CFAP54: variants seen among roughly 807,000 people sequenced by gnomAD.
CFAP54 encodes the protein cilia- and flagella-associated protein 54.
Under a neutral mutation model 370.4 loss-of-function variants are expected in CFAP54, and 290 were observed. The ratio of observed to expected loss-of-function variants is 0.78; its 90% CI spans 0.71 to 0.86. The LOEUF is 0.86. CFAP54 is among the 40% of genes least tolerant of loss of function. The pLI is 0.00. For synonymous variants in CFAP54, 1,206 were observed against 1,236.5 expected, an observed-to-expected ratio of 0.98 and a Z score of 0.52; for missense variants, 3,399 against 3,528.7, an observed-to-expected ratio of 0.96 and a Z score of 0.93.
intron 63 of CFAP54, among the ~76,000 whole-genome samples, chr12:96,805,119 C>A (rs1378759388): frequency 6.6e-6 from 1 of 151,938 alleles, no homozygotes; most frequent in Non-Finnish European, 1.5e-5. Flanking sequence ...AAACATAAGA[C>A]CTGAAATTAT....
chr12:96,764,109 A>G, intron 58 of CFAP54, 42 bp from the exon 59 acceptor site: 3 of 1,338,752 alleles, frequency 2.2e-6, no homozygotes, highest in Non-Finnish European at 3.2e-6. Flanking sequence ...GAGAAGAGTT[A>G]TCACAAAACT....
intron 67 of CFAP54, among the ~76,000 whole-genome samples, chr12:96,870,205 G>C (rs1314493356): frequency 6.6e-6 from 1 of 151,724 alleles, no homozygotes; most frequent in Non-Finnish European, 1.5e-5. Flanking sequence ...AAGTTGCAGT[G>C]AGCCGAGATC....
chr12:96,654,516 A>AT (rs562362327), intron 36 of CFAP54, among the ~76,000 whole-genome samples: 5,073 of 151,122 alleles, frequency 0.034, 208 homozygotes, highest in African/African-American at 0.096. Context: ...AAAAAAAAAA[A>AT]TTTATGGGGT....
intron 36 of CFAP54, among the ~76,000 whole-genome samples, chr12:96,652,163 C>G (rs887159412): frequency 1.8e-4 from 27 of 152,182 alleles, no homozygotes; most frequent in Non-Finnish European, 3.5e-4. Flanking sequence ...ATGTGATCAG[C>G]TGGTCTTTAT....
intron 51 of CFAP54, 126 bp downstream of exon 51, chr12:96,740,187 A>G (rs1712589899): frequency 1.6e-6 from 1 of 610,088 alleles, no homozygotes; most frequent in Admixed American, 3.3e-5. Flanking sequence ...AATTTGGAGT[A>G]AAAAGATTTA....
intron 12 of CFAP54, 140 bp from the exon 13 acceptor site, chr12:96,538,244 G>A (rs1955529322): frequency 4.3e-6 from 3 of 697,452 alleles, no homozygotes; most frequent in South Asian, 2.2e-5. Context: ...ATCATACTAG[G>A]ACTCCTCTCA....
intron 30 of CFAP54, among the ~76,000 whole-genome samples, 196 bp downstream of exon 30, chr12:96,627,135 A>C (rs1956557308): frequency 6.6e-6 from 1 of 152,206 alleles, no homozygotes; most frequent in Admixed American, 6.5e-5. Context: ...TGTACTCACA[A>C]ATGAGAATAG....
At chr12:96,609,319 A>G (rs149729540) in intron 26 of CFAP54, among the ~76,000 whole-genome samples, 2,942 of 152,338 alleles carry the variant, frequency 0.019, 50 homozygotes, top group South Asian at 0.068. Context: ...ATTTTTTGCA[A>G]TAGCAAGGTA....
chr12:96,626,212 C>T (rs1482004266), intron 29 of CFAP54, among the ~76,000 whole-genome samples: 2 of 151,870 alleles, frequency 1.3e-5, no homozygotes, highest in Non-Finnish European at 2.9e-5. Context: ...GGTGAAGCCC[C>T]GTCTCTACTA....
chr12:96,631,043 A>C (rs1354890059), intron 32 of CFAP54, among the ~76,000 whole-genome samples: 3 of 151,920 alleles, frequency 2.0e-5, no homozygotes, highest in Admixed American at 6.6e-5. Flanking sequence ...CACATGTGTA[A>C]GAATTTTTTA....
chr12:96,559,368 C>A (rs1317039372), intron 17 of CFAP54, among the ~76,000 whole-genome samples: 1 of 151,942 alleles, frequency 6.6e-6, no homozygotes, highest in Non-Finnish European at 1.5e-5. Context: ...ATCTCATGTA[C>A]CCCATAAATA....
intron 64 of CFAP54, among the ~76,000 whole-genome samples, chr12:96,814,844 T>G: frequency 6.6e-6 from 1 of 152,206 alleles, no homozygotes; most frequent in Admixed American, 6.5e-5. Flanking sequence ...CTGAGGATGA[T>G]GGTTTCCAGT....
At chr12:96,830,675 G>C (rs1457019641) in intron 66 of CFAP54, among the ~76,000 whole-genome samples, 3 of 151,858 alleles carry the variant, frequency 2.0e-5, no homozygotes, top group African/African-American at 7.3e-5. Context: ...CTAGTTTTCT[G>C]GGTTTGTTTT....
chr12:96,521,547 T>C (rs12299355), intron 6 of CFAP54, among the ~76,000 whole-genome samples: 2,620 of 39,458 alleles, frequency 0.066, 34 homozygotes, highest in African/African-American at 0.18. Flanking sequence ...TGTGTGTGTG[T>C]GCGCGTGCGC....
chr12:96,800,026 G>T (rs1450741566), intron 63 of CFAP54, among the ~76,000 whole-genome samples: 3 of 152,166 alleles, frequency 2.0e-5, no homozygotes, highest in Non-Finnish European at 2.9e-5. Context: ...TTCGGAGAGG[G>T]TTTGGAAATG....
intron 32 of CFAP54, among the ~76,000 whole-genome samples, chr12:96,637,821 C>T (rs1160398523): frequency 6.6e-6 from 1 of 152,196 alleles, no homozygotes; most frequent in Non-Finnish European, 1.5e-5. Flanking sequence ...ACTGCATGTA[C>T]AACGGTGGTC....
At chr12:96,547,389 G>T (rs1955651524) in intron 14 of CFAP54, among the ~76,000 whole-genome samples, 2 of 152,196 alleles carry the variant, frequency 1.3e-5, no homozygotes, top group South Asian at 4.1e-4. Context: ...GTTTCATCAT[G>T]TTGGCCAGGC....
intron 60 of CFAP54, among the ~76,000 whole-genome samples, chr12:96,766,581 A>G (rs1958403931): frequency 6.6e-6 from 1 of 152,168 alleles, no homozygotes; most frequent in Non-Finnish European, 1.5e-5. Context: ...GATTCAGTTG[A>G]CATCCTAGCT....
At chr12:96,620,800 A>C (rs1230346575) in intron 26 of CFAP54, among the ~76,000 whole-genome samples, 1 of 152,222 alleles carries the variant, frequency 6.6e-6, no homozygotes, top group Non-Finnish European at 1.5e-5. Context: ...TTTTAATGGC[A>C]AGGTGAAGCT....
Sources: allele counts gnomAD v4.1 joint callset (sites outside exome capture counted in the v4.1 genomes callset), GRCh38; gene constraint gnomAD v4.1.1; transcripts MANE v1.5; gene names NCBI Gene and HGNC (gene_info 2026-07-23, HGNC 2026-07-21).